HEBP2: variants seen among roughly 807,000 people sequenced by gnomAD.
The protein encoded by HEBP2 is heme binding protein 2.
Under a neutral mutation model 23.1 loss-of-function variants are expected in HEBP2, and 27 were observed. That is an observed-to-expected ratio of 1.17 (90% CI 0.86 to 1.61). The LOEUF (loss-of-function observed/expected upper bound fraction) is 1.61. HEBP2 is among the 40% of genes most tolerant of loss of function. The pLI, the probability that HEBP2 is intolerant of heterozygous loss-of-function variation, is 0.00. For missense variants in HEBP2, 245 were observed against 253.8 expected, an observed-to-expected ratio of 0.97 and a Z score of 0.24; for synonymous variants, 99 against 95.1, an observed-to-expected ratio of 1.04 and a Z score of -0.24.
In HEBP2 at chr6:138,420,738, G is replaced by A. The variant is rs1583110270; in HGVS notation, c.*7660G>A. The A allele has an allele frequency of 6.6e-6, 1 of 152,260 alleles. No homozygotes were observed. The highest frequency in any genetic ancestry group is 1.9e-4 in the East Asian group (1 of 5,202). 9.4% of individuals were successfully genotyped at this position (152,260 alleles called of 1,614,324 possible). A position where few individuals can be genotyped will look rare whatever the true frequency, so the allele number is the denominator to read the frequency against. ...TCCAATGAGTGACCTTTTTCCCAGA[G>A]TTCCCCTGGGATGGCAGCTCGCCTG... is the stretch of plus-strand genomic sequence containing the variant. On this transcript the variant is annotated 3_prime_UTR_variant, in exon 4 of 4. Transcript: ENST00000607197.
Position 138,413,369 on chromosome 6 carries a change from A to G in HEBP2, c.*291A>G, listed in dbSNP as rs1774786136. 2 of 276,524 alleles carry G rather than the reference A, an allele frequency of 7.2e-6. No individual in the cohort carries two copies. The highest frequency in any genetic ancestry group is 1.4e-5 in the Non-Finnish European group (2 of 146,230). The allele number at this position is 276,524 out of a possible 1,614,324, so 17.1% of individuals were successfully genotyped here. On this transcript the variant is annotated 3_prime_UTR_variant, in exon 4 of 4. Coordinates refer to ENST00000607197, the MANE Select transcript of HEBP2 (RefSeq NM_014320.3). The stretch of plus-strand genomic sequence containing the variant: ...CCCTCCTTCACTGCATCACAATCAT[A>G]TTCCCTTTTTTTTTTCTTGGATTTG...
At position 138,404,527 on chromosome 6, in the gene HEBP2, C is replaced by T. The variant is rs1275493444; in HGVS notation, c.32C>T (p.Ala11Val). MAEPLQPDPG[A>V]AEDAAAQAVE... ...GAGCCGCTCCAGCCAGACCCCGGGG[C>T]GGCCGAGGACGCGGCGGCCCAAGCT... Residue 11 changes from alanine to valine, a missense_variant, in exon 1 of 4, where the codon GCG becomes GTG. Physicochemically the swap from Ala to Val is moderately conservative, Grantham distance 64. Coordinates refer to ENST00000607197, the MANE Select transcript of HEBP2 (RefSeq NM_014320.3). 1.5e-6 allele frequency: 2 copies of T among 1,314,242 alleles called. No individual in the cohort carries two copies. Among genetic ancestry groups the T allele is most frequent in the Non-Finnish European group, 1.9e-6 (2 of 1,031,350 alleles). 81.4% of individuals were successfully genotyped at this position (1,314,242 alleles called of 1,614,324 possible). A position where few individuals can be genotyped will look rare whatever the true frequency, so the allele number is the denominator to read the frequency against.
intron 2 of HEBP2, among the ~76,000 whole-genome samples, 176 bp from the exon 3 acceptor site, chr6:138,405,795 T>A (rs1188564927): frequency 6.6e-6 from 1 of 152,210 alleles, no homozygotes; most frequent in Non-Finnish European, 1.5e-5. Flanking sequence ...AGTGGTTTAA[T>A]GTGGGCAGTG....
intron 3 of HEBP2, among the ~76,000 whole-genome samples, chr6:138,412,654 A>G (rs535229460): frequency 7.2e-5 from 11 of 152,068 alleles, no homozygotes; most frequent in Non-Finnish European, 1.6e-4. Context: ...GGGTTTTACC[A>G]TGTTGGCCAG....
upstream of HEBP2, chr6:138,404,110 G>A (rs891948238): frequency 9.2e-6 from 2 of 216,772 alleles, no homozygotes; most frequent in African/African-American, 4.6e-5. Flanking sequence ...CACAGAAACA[G>A]CGCCACCCCC....
chr6:138,409,530 A>G (rs1197642140), intron 3 of HEBP2, among the ~76,000 whole-genome samples: 3 of 152,160 alleles, frequency 2.0e-5, no homozygotes, highest in South Asian at 2.1e-4. Flanking sequence ...GACATTCCCA[A>G]TAGATACTGG....
Position 138,405,991 on chromosome 6 carries a change from G to A in HEBP2, c.259G>A (p.Ala87Thr). 2 of 1,612,588 alleles carry A rather than the reference G, an allele frequency of 1.2e-6. No individual in the cohort carries two copies. The highest frequency in any genetic ancestry group is 1.7e-6 in the Non-Finnish European group (2 of 1,179,496). Residue 87 changes from alanine (A) to threonine (T), a missense_variant, in exon 3 of 4, where the codon GCT becomes ACT. Transcript: ENST00000607197. ...CACAGAGATGAAAATAAAGATGACAGCTCCAGTGACAAGCTACGTGGAGCC... is the reference window on the plus strand; with the variant it reads ...CACAGAGATGAAAATAAAGATGACAACTCCAGTGACAAGCTACGTGGAGCC... ...NEKEMKIKMT[A>T]PVTSYVEPGS...
chr6:138,403,822 G>A (rs751905007), upstream of HEBP2: 1 of 400,548 alleles, frequency 2.5e-6, no homozygotes, highest in Non-Finnish European at 4.4e-6. Context: ...TCAGAAACCA[G>A]AACAGTTCCA....
In HEBP2 at chr6:138,418,655, C is replaced by T. The variant is rs1192006500; in HGVS notation, c.*5577C>T. 6.6e-6 allele frequency: 1 copy of T among 152,248 alleles called. No homozygotes were observed. Among genetic ancestry groups the T allele is most frequent in the Admixed American group, 6.5e-5 (1 of 15,278 alleles). The allele number at this position is 152,248 out of a possible 1,614,324, so 9.4% of individuals were successfully genotyped here. A position where few individuals can be genotyped will look rare whatever the true frequency, so the allele number is the denominator to read the frequency against. ...CTGCACAGTGGCACCTACATCCCCCCTCCCTGTGGTTGTTGGAGGACCTGT... is the reference window on the plus strand; with the variant it reads ...CTGCACAGTGGCACCTACATCCCCCTTCCCTGTGGTTGTTGGAGGACCTGT... On this transcript the variant is annotated 3_prime_UTR_variant, in exon 4 of 4. Coordinates refer to ENST00000607197, the MANE Select transcript of HEBP2 (RefSeq NM_014320.3).
At chr6:138,407,447 A>T (rs796118797) in intron 3 of HEBP2, among the ~76,000 whole-genome samples, 43 of 152,348 alleles carry the variant, frequency 2.8e-4, no homozygotes, top group African/African-American at 1.0e-3. Context: ...GCCCACTGGG[A>T]TGAAGGTCCC....
At chr6:138,406,301 T>G (rs1774644950) in intron 3 of HEBP2, 150 bp downstream of exon 3, 1 of 703,700 alleles carries the variant, frequency 1.4e-6, no homozygotes, top group African/African-American at 1.8e-5. Flanking sequence ...CTGGCTTTGT[T>G]GTATATGTTA....
chr6:138,417,324 C>G lies in HEBP2; in HGVS notation c.*4246C>G, dbSNP rs1774855979. The G allele has an allele frequency of 6.6e-6, 1 of 152,176 alleles. No individual in the cohort carries two copies. The highest frequency in any genetic ancestry group is 1.5e-5 in the Non-Finnish European group (1 of 68,032). 9.4% of individuals were successfully genotyped at this position (152,176 alleles called of 1,614,324 possible). A position where few individuals can be genotyped will look rare whatever the true frequency, so the allele number is the denominator to read the frequency against. ...GCTTCTAAACTCCCTCTCCTCCAATCAGGGCAGTAAACCATAATAAATATT... is the reference window on the plus strand; with the variant it reads ...GCTTCTAAACTCCCTCTCCTCCAATGAGGGCAGTAAACCATAATAAATATT... On this transcript the variant is annotated 3_prime_UTR_variant, in exon 4 of 4. Coordinates refer to ENST00000607197, the MANE Select transcript of HEBP2 (RefSeq NM_014320.3).
rs192531647 is a variant in HEBP2, at chr6:138,415,317, T to C, written c.*2239T>C. 3.9e-5 allele frequency: 6 copies of C among 152,270 alleles called. No homozygotes were observed. The East Asian group carries it at 9.7e-4, about 25-fold the overall frequency. 9.4% of individuals were successfully genotyped at this position (152,270 alleles called of 1,614,324 possible). On this transcript the variant is annotated 3_prime_UTR_variant, in exon 4 of 4. Coordinates refer to ENST00000607197, the MANE Select transcript of HEBP2 (RefSeq NM_014320.3). The stretch of plus-strand genomic sequence containing the variant: ...AGCATTTGCAGGCTGAGTGACTCAC[T>C]GTCTGGCTGGCTCGGAGGCCCCCAT...
chr6:138,405,103 C>T (rs1053846122), intron 1 of HEBP2, 42 bp from the exon 2 acceptor site: 1 of 1,604,066 alleles, frequency 6.2e-7, no homozygotes, highest in Non-Finnish European at 8.5e-7. Context: ...CACTCCTACC[C>T]TCTTAGAATT....
chr6:138,410,601 A>G (rs576465135), intron 3 of HEBP2, among the ~76,000 whole-genome samples: 2 of 151,654 alleles, frequency 1.3e-5, no homozygotes, highest in South Asian at 2.1e-4. Flanking sequence ...ATCTGCCTCA[A>G]CCTCCCGAGT....
At position 138,418,875 on chromosome 6, in the gene HEBP2, A is replaced by AAAT. The variant is rs1289822647; in HGVS notation, c.*5799_*5801dup. 8.5e-5 allele frequency: 13 copies of AAAT among 152,186 alleles called. No individual in the cohort carries two copies. The highest frequency in any genetic ancestry group is 4.6e-4 in the Admixed American group (7 of 15,282). The allele number at this position is 152,186 out of a possible 1,614,324, so 9.4% of individuals were successfully genotyped here. On this transcript the variant is annotated 3_prime_UTR_variant, in exon 4 of 4. Coordinates refer to ENST00000607197, the MANE Select transcript of HEBP2 (RefSeq NM_014320.3). ...TTCACCTTGTGAGGGAGGACAGGTAAAATATTTATGGAAGTGGCAGAAAAT... is the reference window on the plus strand; with the variant it reads ...TTCACCTTGTGAGGGAGGACAGGTAAAATAATATTTATGGAAGTGGCAGAAAAT...
Position 138,421,089 on chromosome 6 carries a change from G to A in HEBP2, c.*8011G>A, listed in dbSNP as rs549087292. 4 of 152,312 alleles carry A rather than the reference G, an allele frequency of 2.6e-5. No individual in the cohort carries two copies. Among genetic ancestry groups the A allele is most frequent in the South Asian group, 2.1e-4 (1 of 4,824 alleles). 9.4% of individuals were successfully genotyped at this position (152,312 alleles called of 1,614,324 possible). A position where few individuals can be genotyped will look rare whatever the true frequency, so the allele number is the denominator to read the frequency against. ...TGAGAGAAACTGTATTACAGTTACC[G>A]AGTGGCTTATTAAGGAAAGTGGCGC... On this transcript the variant is annotated 3_prime_UTR_variant, in exon 4 of 4. Transcript: ENST00000607197.
In HEBP2 at chr6:138,404,544, GC is replaced by G; in HGVS notation, c.52del (p.Gln18LysfsTer52). 7.7e-7 allele frequency: 1 copy of G among 1,303,454 alleles called. No homozygotes were observed. Among genetic ancestry groups the G allele is most frequent in the Non-Finnish European group, 9.8e-7 (1 of 1,025,592 alleles). 80.7% of individuals were successfully genotyped at this position (1,303,454 alleles called of 1,614,324 possible). On this transcript the variant is annotated frameshift_variant, in exon 1 of 4. Coordinates refer to ENST00000607197, the MANE Select transcript of HEBP2 (RefSeq NM_014320.3). LOFTEE classifies it high-confidence loss of function. ...PDPGAAEDAA[A>X]QAVETPGWKA... Reference sequence around the variant, plus strand: ...CCCCGGGGCGGCCGAGGACGCGGCGGCCCAAGCTGTGGAGACGCCGGGCTGG... The same window carrying G: ...CCCCGGGGCGGCCGAGGACGCGGCGGCCAAGCTGTGGAGACGCCGGGCTGG...
chr6:138,405,930 G>A (rs751271304), intron 2 of HEBP2, 41 bp from the exon 3 acceptor site: 5 of 1,548,202 alleles, frequency 3.2e-6, no homozygotes, highest in African/African-American at 1.4e-5. Flanking sequence ...GTTTAAAGCT[G>A]TCAAAAATAC....
Sources: gnomAD v4.1 joint callset for allele counts (sites outside exome capture counted in the v4.1 genomes callset) on GRCh38, gnomAD v4.1.1 for gene constraint, MANE v1.5 for transcripts, NCBI Gene and HGNC (gene_info 2026-07-23, HGNC 2026-07-21) for gene names.